PTPRA: variants seen among roughly 807,000 people sequenced by gnomAD.
PTPRA encodes receptor-type tyrosine-protein phosphatase alpha.
Under a neutral mutation model 104.8 loss-of-function variants are expected in PTPRA, and 25 were observed. The observed-to-expected ratio is 0.24, with a 90% CI of 0.17 to 0.33. The LOEUF (loss-of-function observed/expected upper bound fraction) is 0.33, where lower values mean the gene tolerates loss of function less well. Ranked by LOEUF, PTPRA falls within the 10% of genes least tolerant of loss-of-function variation. The pLI is 1.00. For synonymous variants in PTPRA, 323 were observed against 368.9 expected, an observed-to-expected ratio of 0.88 and a Z score of 1.43; for missense variants, 765 against 1,015.3, an observed-to-expected ratio of 0.75 and a Z score of 3.35.
At chr20:2,876,180 A>G (rs1288275709) in intron 1 of PTPRA, among the ~76,000 whole-genome samples, 1 of 152,256 alleles carries the variant, frequency 6.6e-6, no homozygotes, top group Non-Finnish European at 1.5e-5. Flanking sequence ...GTAGAGTCAC[A>G]GCCTCTTAGA....
chr20:2,975,728 G>A (rs1180511679), intron 6 of PTPRA, among the ~76,000 whole-genome samples: 4 of 152,136 alleles, frequency 2.6e-5, no homozygotes, highest in Admixed American at 2.6e-4. Context: ...GTTTAAGCTG[G>A]ACTGCTGAGT....
At chr20:2,906,787 CAT>C (rs2059442869) in intron 1 of PTPRA, among the ~76,000 whole-genome samples, 1 of 152,228 alleles carries the variant, frequency 6.6e-6, no homozygotes, top group East Asian at 1.9e-4. Context: ...AGCCCATAAA[CAT>C]ATGATTTTAA....
chr20:2,906,158 G>A (rs144546155), intron 1 of PTPRA, among the ~76,000 whole-genome samples: 5 of 152,284 alleles, frequency 3.3e-5, no homozygotes, highest in Admixed American at 2.0e-4. Context: ...ACATTAATTA[G>A]TAGAAATGTA....
chr20:3,025,083 A>G (rs1568704901), intron 17 of PTPRA, among the ~76,000 whole-genome samples: 2 of 152,198 alleles, frequency 1.3e-5, no homozygotes, highest in Non-Finnish European at 2.9e-5. Context: ...TGGACCTTAG[A>G]TCACTGATAG....
At chr20:2,975,586 TC>T (rs1393592224) in intron 6 of PTPRA, among the ~76,000 whole-genome samples, 1 of 152,252 alleles carries the variant, frequency 6.6e-6, no homozygotes, top group Non-Finnish European at 1.5e-5. Context: ...AGGCCACAGT[TC>T]CCTTTAAATA....
intron 7 of PTPRA, among the ~76,000 whole-genome samples, chr20:2,987,491 C>A (rs910607777): frequency 1.3e-5 from 2 of 152,118 alleles, no homozygotes; most frequent in Non-Finnish European, 1.5e-5. Context: ...CCTGCCTTAT[C>A]TTTGGCCTAA....
At chr20:2,919,524 C>T (rs2060027456) in intron 1 of PTPRA, among the ~76,000 whole-genome samples, 1 of 152,162 alleles carries the variant, frequency 6.6e-6, no homozygotes, top group Non-Finnish European at 1.5e-5. Flanking sequence ...TATCAAGACA[C>T]AGTCCTTACC....
intron 1 of PTPRA, among the ~76,000 whole-genome samples, chr20:2,888,436 A>G (rs890363589): frequency 2.0e-5 from 3 of 151,976 alleles, no homozygotes; most frequent in African/African-American, 7.3e-5. Flanking sequence ...GCATGCACCC[A>G]TAGTCCTAGC....
At chr20:2,978,284 C>T (rs530550106) in intron 6 of PTPRA, among the ~76,000 whole-genome samples, 1 of 152,044 alleles carries the variant, frequency 6.6e-6, no homozygotes, top group Non-Finnish European at 1.5e-5. Flanking sequence ...TAATTTGGCT[C>T]AAAACAACGG....
chr20:2,930,616 CCT>C (rs1221666011), intron 2 of PTPRA, among the ~76,000 whole-genome samples: 56 of 152,164 alleles, frequency 3.7e-4, no homozygotes, highest in Admixed American at 3.5e-3. Flanking sequence ...CCAAGAGCCC[CCT>C]GTGTTATTTG....
At chr20:2,866,807 C>G in the PTPRA span, 1 of 579,426 alleles carries the variant, frequency 1.7e-6, no homozygotes, top group Non-Finnish European at 2.9e-6. Flanking sequence ...CACAGCAAAA[C>G]TCCATGTGTT....
At chr20:2,876,144 G>C (rs1430164997) in intron 1 of PTPRA, among the ~76,000 whole-genome samples, 1 of 152,202 alleles carries the variant, frequency 6.6e-6, no homozygotes, top group Non-Finnish European at 1.5e-5. Context: ...CTGCAATATA[G>C]GAGGCACTGG....
intron 9 of PTPRA, among the ~76,000 whole-genome samples, chr20:2,989,853 T>TA (rs1197937969): frequency 3.3e-5 from 5 of 152,030 alleles, no homozygotes; most frequent in South Asian, 4.2e-4. Flanking sequence ...CTGTCTCTAC[T>TA]AAAAATACAA....
intron 1 of PTPRA, among the ~76,000 whole-genome samples, chr20:2,909,224 G>A (rs1486622864): frequency 6.6e-6 from 1 of 152,164 alleles, no homozygotes; most frequent in East Asian, 1.9e-4. Flanking sequence ...GGGAGGTCGA[G>A]GTTGCAGTTA....
chr20:2,947,442 A>G (rs2147748902), intron 2 of PTPRA, among the ~76,000 whole-genome samples: 1 of 152,310 alleles, frequency 6.6e-6, no homozygotes, highest in East Asian at 1.9e-4. Context: ...CTTTTTCTAG[A>G]GAGAGACTAA....
chr20:3,015,220 A>G (rs1023427717), intron 11 of PTPRA, among the ~76,000 whole-genome samples: 10 of 152,058 alleles, frequency 6.6e-5, no homozygotes, highest in Admixed American at 3.9e-4. Context: ...TGAAATCTAC[A>G]TTGTTAGCTG....
chr20:2,896,345 A>G (rs899863017), intron 1 of PTPRA, among the ~76,000 whole-genome samples: 3 of 152,172 alleles, frequency 2.0e-5, no homozygotes, highest in African/African-American at 4.8e-5. Context: ...TGCCACTGCA[A>G]TCCAGCCTGT....
rs879851480 is a variant in PTPRA, at chr20:2,893,879, ATACAG to A, written c.-129+20122_-129+20126del. ...CCTACAAAGATTTTGATATATATATATACAGTAGACTATACTATATAATTAATATT... is the reference window on the plus strand; with the variant it reads ...CCTACAAAGATTTTGATATATATATATAGACTATACTATATAATTAATATT... On this transcript the variant is annotated intron_variant, in intron 1 of 23. Coordinates refer to ENST00000399903, the MANE Select transcript of PTPRA (RefSeq NM_001385305.1). 3.1e-3 allele frequency among the ~76,000 whole-genome samples: 479 copies of A among 152,166 alleles called. 4 individuals carry two copies. The highest frequency in any genetic ancestry group is 0.011 in the African/African-American group (458 of 41,528).
intron 1 of PTPRA, among the ~76,000 whole-genome samples, chr20:2,909,837 A>G (rs994973489): frequency 2.1e-4 from 27 of 129,328 alleles, no homozygotes; most frequent in South Asian, 9.1e-4. Context: ...TAGATAATAT[A>G]TATAATATAA....
Sources: gnomAD v4.1 joint callset for allele counts (sites outside exome capture counted in the v4.1 genomes callset) on GRCh38, gnomAD v4.1.1 for gene constraint, MANE v1.5 for transcripts, NCBI Gene and HGNC (gene_info 2026-07-23, HGNC 2026-07-21) for gene names.